Variants in MAGI2 observed in about 807,000 individuals in gnomAD.
MAGI2 encodes membrane-associated guanylate kinase, WW and PDZ domain-containing protein 2.
Under a neutral mutation model 133.3 loss-of-function variants are expected in MAGI2, and 35 were observed. The ratio of observed to expected loss-of-function variants is 0.26; its 90% CI spans 0.20 to 0.35. The LOEUF is 0.35. MAGI2 is among the 10% of genes least tolerant of loss of function. MAGI2 has a pLI of 1.00. For missense variants in MAGI2, 1,636 were observed against 1,863.4 expected (o/e 0.88, Z 2.25); for synonymous variants, 729 against 710.6 (o/e 1.03, Z -0.41).
At chr7:79,176,407 C>T (rs1012994697) in intron 1 of MAGI2, among the ~76,000 whole-genome samples, 5 of 152,020 alleles carry the variant, frequency 3.3e-5, no homozygotes, top group African/African-American at 4.8e-5. Context: ...TCACCTTTCC[C>T]TCTGCACAGT....
chr7:79,081,874 C>T (rs1816069535), intron 1 of MAGI2, among the ~76,000 whole-genome samples: 1 of 152,044 alleles, frequency 6.6e-6, no homozygotes, highest in South Asian at 2.1e-4. Context: ...TTTGATGCCT[C>T]AAAAGTAACA....
intron 2 of MAGI2, among the ~76,000 whole-genome samples, chr7:78,675,293 G>C (rs1433836661): frequency 6.6e-6 from 1 of 151,820 alleles, no homozygotes; most frequent in Non-Finnish European, 1.5e-5. Flanking sequence ...TTGTGTGTTT[G>C]AATGTGTGAT....
intron 2 of MAGI2, among the ~76,000 whole-genome samples, chr7:78,821,629 T>C (rs1790122554): frequency 1.3e-5 from 2 of 152,046 alleles, no homozygotes. Flanking sequence ...ATAGTATGTA[T>C]ATGATTAAAT....
intron 6 of MAGI2, among the ~76,000 whole-genome samples, chr7:78,411,152 G>A (rs1797837317): frequency 6.6e-6 from 1 of 151,982 alleles, no homozygotes; most frequent in Non-Finnish European, 1.5e-5. Context: ...AAGTATTAAA[G>A]AAATGAGCCC....
intron 1 of MAGI2, among the ~76,000 whole-genome samples, chr7:79,051,552 T>C (rs142608003): frequency 3.2e-3 from 481 of 152,334 alleles, no homozygotes; most frequent in African/African-American, 0.011. Flanking sequence ...ATCTAAAATC[T>C]CTTATTGCAC....
chr7:78,067,037 G>T (rs955772080), intron 21 of MAGI2, among the ~76,000 whole-genome samples: 24 of 152,252 alleles, frequency 1.6e-4, no homozygotes, highest in Non-Finnish European at 1.2e-4. Flanking sequence ...TGAGGAAAGG[G>T]AGAGTGCAGG....
At chr7:78,196,488 C>G (rs1373704582) in intron 11 of MAGI2, among the ~76,000 whole-genome samples, 1 of 152,216 alleles carries the variant, frequency 6.6e-6, no homozygotes, top group Non-Finnish European at 1.5e-5. Flanking sequence ...TTGTAACTTT[C>G]TGTCCCCTAT....
intron 1 of MAGI2, among the ~76,000 whole-genome samples, chr7:79,175,565 G>A (rs1425271145): frequency 6.6e-6 from 1 of 151,932 alleles, no homozygotes; most frequent in East Asian, 1.9e-4. Flanking sequence ...GTCATTTAAT[G>A]ACAAGGATAG....
At chr7:78,527,073 GAAT>G (rs796209827) in intron 3 of MAGI2, among the ~76,000 whole-genome samples, 64 of 140,862 alleles carry the variant, frequency 4.5e-4, no homozygotes, top group African/African-American at 1.6e-3. Flanking sequence ...CCAAAAATGT[GAAT>G]AAAAAGAATA....
At chr7:78,798,321 G>A (rs1340264518) in intron 2 of MAGI2, among the ~76,000 whole-genome samples, 1 of 152,066 alleles carries the variant, frequency 6.6e-6, no homozygotes, top group Non-Finnish European at 1.5e-5. Context: ...AGTCAATTCA[G>A]TCAATGAATT....
chr7:78,790,628 T>C (rs1298471457), intron 2 of MAGI2, among the ~76,000 whole-genome samples: 2 of 152,102 alleles, frequency 1.3e-5, no homozygotes, highest in Admixed American at 6.5e-5. Flanking sequence ...GACACAGGGT[T>C]TCACCATGTT....
chr7:79,351,537 T>C (rs116581128), intron 1 of MAGI2, among the ~76,000 whole-genome samples: 228 of 152,324 alleles, frequency 1.5e-3, no homozygotes, highest in African/African-American at 4.9e-3. Flanking sequence ...ATTCTAAGTA[T>C]AATTCCATAA....
chr7:78,290,887 A>G (rs1796633315), intron 9 of MAGI2, among the ~76,000 whole-genome samples: 2 of 152,328 alleles, frequency 1.3e-5, no homozygotes, highest in South Asian at 4.1e-4. Context: ...TTTGAAACCA[A>G]TGAGAACAAA....
intron 6 of MAGI2, among the ~76,000 whole-genome samples, chr7:78,470,253 A>G (rs1331160979): frequency 2.0e-5 from 3 of 152,118 alleles, no homozygotes; most frequent in Non-Finnish European, 4.4e-5. Flanking sequence ...AATATGCTAC[A>G]TTTTGTACCT....
At chr7:78,734,013 C>T (rs374970369) in intron 2 of MAGI2, among the ~76,000 whole-genome samples, 4 of 152,056 alleles carry the variant, frequency 2.6e-5, no homozygotes, top group African/African-American at 4.8e-5. Context: ...AATGCATAAT[C>T]GTAAACATAA....
intron 2 of MAGI2, among the ~76,000 whole-genome samples, chr7:78,673,165 T>C (rs1028752855): frequency 6.6e-6 from 1 of 152,160 alleles, no homozygotes; most frequent in Non-Finnish European, 1.5e-5. Flanking sequence ...ATCTTTATAA[T>C]TGGTGAGTAA....
intron 1 of MAGI2, among the ~76,000 whole-genome samples, chr7:79,045,865 C>T (rs946021690): frequency 3.3e-5 from 5 of 152,036 alleles, no homozygotes; most frequent in Non-Finnish European, 7.4e-5. Flanking sequence ...ATCTTCAGGA[C>T]GATGCTATAG....
At position 78,189,903 on chromosome 7, in the gene MAGI2, G is replaced by T. The variant is rs147135657; in HGVS notation, c.2270-4233C>A. Among the ~76,000 whole-genome samples the T allele has an allele frequency of 2.4e-3, 361 of 152,272 alleles. 2 individuals carry two copies. Among genetic ancestry groups the T allele is most frequent in the African/African-American group, 8.2e-3 (341 of 41,566 alleles). On this transcript the variant is annotated intron_variant, in intron 12 of 21. Coordinates refer to ENST00000354212, the MANE Select transcript of MAGI2 (RefSeq NM_012301.4). ...CACACCCATCAGAATGATCAAGACT[G>T]AATTTCATAAGATTCCAAAGTGAGC...
intron 3 of MAGI2, among the ~76,000 whole-genome samples, chr7:78,537,258 CATATTTTTGTA>C (rs1295616422): frequency 7.3e-5 from 11 of 151,440 alleles, no homozygotes; most frequent in African/African-American, 1.9e-4. Context: ...GAGCTGGTTT[CATATTTTTGTA>C]ATATTTTTGT....
Sources: allele counts gnomAD v4.1 joint callset (sites outside exome capture counted in the v4.1 genomes callset), GRCh38; gene constraint gnomAD v4.1.1; transcripts MANE v1.5; gene names NCBI Gene and HGNC (gene_info 2026-07-23, HGNC 2026-07-21).